WRAP53: variants seen among roughly 807,000 people sequenced by gnomAD.
The protein encoded by WRAP53 is telomerase Cajal body protein 1.
In WRAP53, 28 loss-of-function variants were observed where a neutral mutation model predicts 56.6. The ratio of observed to expected loss-of-function variants is 0.50; its 90% CI spans 0.37 to 0.68. WRAP53 has a LOEUF of 0.68. Among genes scored for constraint, WRAP53 ranks in the 30% least tolerant of loss-of-function variants. The probability of loss-of-function intolerance (pLI) is 0.00; values close to 1 mark genes in which losing one functional copy is unlikely to be tolerated. For synonymous variants in WRAP53, 283 were observed against 283.4 expected, an observed-to-expected ratio of 1.00 and a Z score of 0.01; for missense variants, 671 against 715.5, an observed-to-expected ratio of 0.94 and a Z score of 0.71.
In WRAP53 at chr17:7,703,143, C is replaced by A. The variant is rs1368662059; in HGVS notation, c.1403+16C>A. The stretch of plus-strand genomic sequence containing the variant: ...ATGGCGTGAGGTCCTCAGTTCAATT[C>A]CAGAGATGTTGGGGCTTGGGTTGGG... On this transcript the variant is annotated intron_variant, in intron 10 of 10. Transcript: ENST00000396463. 6.2e-7 allele frequency: 1 copy of A among 1,614,024 alleles called. No homozygotes were observed.
At chr17:7,686,556 G>A (rs1049884929), upstream of WRAP53, 2 of 152,258 alleles carry the variant, frequency 1.3e-5, no homozygotes, top group Non-Finnish European at 2.9e-5. Context: ...GAGAATAGCA[G>A]CCTCCCTCTG....
At chr17:7,689,119 TGAA>T (rs1331911862) in intron 2 of WRAP53, 40 bp downstream of exon 2, 3 of 1,614,036 alleles carry the variant, frequency 1.9e-6, no homozygotes, top group Admixed American at 3.3e-5. Context: ...TCTGGGGAGA[TGAA>T]GTGTGAGGTC....
At chr17:7,693,055 C>T (rs1299571466) in intron 4 of WRAP53, among the ~76,000 whole-genome samples, 2 of 152,022 alleles carry the variant, frequency 1.3e-5, no homozygotes, top group African/African-American at 4.8e-5. Flanking sequence ...TTGGGTCATT[C>T]TCTAAATTCG....
At position 7,699,496 on chromosome 17, in the gene WRAP53, A is replaced by ATATATATATATT. The variant is rs1567577485; in HGVS notation, c.643-1240_643-1239insATATATTTATAT. ...TATATTTATATATATATATATATAT[A>ATATATATATATT]TATATTTATATATATATATATATAT... On this transcript the variant is annotated intron_variant, in intron 4 of 10. Coordinates refer to ENST00000396463, the MANE Select transcript of WRAP53 (RefSeq NM_001143992.2). Among the ~76,000 whole-genome samples the ATATATATATATT allele has an allele frequency of 6.9e-3, 84 of 12,174 alleles. 1 individual carries two copies. Among genetic ancestry groups the ATATATATATATT allele is most frequent in the Non-Finnish European group, 0.01 (76 of 7,520 alleles). The allele number at this position is 12,174 out of a possible 152,430, so 8.0% of individuals were successfully genotyped here. A position where few individuals can be genotyped will look rare whatever the true frequency, so the allele number is the denominator to read the frequency against.
chr17:7,688,209 G>T, upstream of WRAP53: 1 of 195,144 alleles, frequency 5.1e-6, no homozygotes, highest in Non-Finnish European at 1.1e-5. Flanking sequence ...GGCGGTGCAG[G>T]TGCTTTAAGA....
chr17:7,699,464 A>T lies in WRAP53; in HGVS notation c.643-1277A>T, dbSNP rs1358290441. The stretch of plus-strand genomic sequence containing the variant: ...TTTATATATATATATATATTTATAT[A>T]TATATATATATTTATATATATATAT... On this transcript the variant is annotated intron_variant, in intron 4 of 10. Transcript: ENST00000396463. 2.6e-4 allele frequency among the ~76,000 whole-genome samples: 5 copies of T among 19,360 alleles called. No individual in the cohort carries two copies. The South Asian group carries it at 6.6e-3, about 25-fold the overall frequency. 12.7% of individuals were successfully genotyped at this position (19,360 alleles called of 152,430 possible).
At position 7,703,248 on chromosome 17, in the gene WRAP53, A is replaced by G; in HGVS notation, c.1409A>G (p.His470Arg). ...QKDCTNGVSL[H>R]PSLPLLATAS... ...CCTCCCCATCTCTCCCTCAGCCTGC[A>G]CCCTAGCCTGCCTCTCCTGGCCACT... Residue 470 changes from histidine to arginine, a missense_variant, in exon 11 of 11, where the codon CAC becomes CGC. By Grantham distance (29) the His-to-Arg change is conservative (BLOSUM62 0). Around this residue, in one of 3 missense-constraint regions of WRAP53, gnomAD observed 158 missense variants for 215.7 expected, o/e 0.73. Coordinates refer to ENST00000396463, the MANE Select transcript of WRAP53 (RefSeq NM_001143992.2). The G allele has an allele frequency of 1.9e-6, 3 of 1,612,840 alleles. No individual in the cohort carries two copies. Among genetic ancestry groups the G allele is most frequent in the Middle Eastern group, 1.6e-4 (1 of 6,062 alleles).
Position 7,688,957 on chromosome 17 carries a change from C to G in WRAP53, c.309C>G (p.Ser103Arg), listed in dbSNP as rs767462997. 4 of 1,614,156 alleles carry G rather than the reference C, an allele frequency of 2.5e-6. No individual in the cohort carries two copies. Among genetic ancestry groups the G allele is most frequent in the Middle Eastern group, 3.3e-4 (2 of 6,062 alleles). Residue 103 changes from serine (S) to arginine (R), a missense_variant, in exon 2 of 11, where the codon AGC becomes AGG. This residue lies in a region of WRAP53 where 406 missense variants were observed against 418.5 expected (regional missense o/e 0.97). Transcript: ENST00000396463. The part of the protein sequence containing the change: ...IEEQELSENT[S>R]LPAEEANGSL... ...AGCAAGAACTTTCTGAAAATACAAG[C>G]CTTCCTGCAGAAGAAGCAAACGGGA...
At chr17:7,693,668 T>C (rs952497994) in intron 4 of WRAP53, among the ~76,000 whole-genome samples, 12 of 151,784 alleles carry the variant, frequency 7.9e-5, no homozygotes, top group African/African-American at 2.7e-4. Flanking sequence ...TGCAGTGAGC[T>C]GATCGCACCA....
upstream of WRAP53, chr17:7,687,525 T>C (rs1186414124): frequency 5.0e-6 from 2 of 398,478 alleles, no homozygotes; most frequent in Non-Finnish European, 8.8e-6. Context: ...CTTGAGCACA[T>C]GGGAGGGGAA....
chr17:7,687,809 GC>G (rs2074034020), upstream of WRAP53: 3 of 394,202 alleles, frequency 7.6e-6, no homozygotes, highest in Admixed American at 1.3e-4. Flanking sequence ...AAGGAAGAAA[GC>G]TTTTGCGTTT....
Position 7,703,289 on chromosome 17 carries a change from G to T in WRAP53, c.1450G>T (p.Val484Leu). The T allele has an allele frequency of 6.2e-7, 1 of 1,613,916 alleles. No individual in the cohort carries two copies. Among genetic ancestry groups the T allele is most frequent in the Non-Finnish European group, 8.5e-7 (1 of 1,180,026 alleles). The stretch of plus-strand genomic sequence containing the variant: ...CCTGGCCACTGCCTCCGGTCAGCGT[G>T]TGTTTCCTGAGCCCACAGAGAGTGG... ...PLLATASGQRVFPEPTESGDE... is the reference protein window; with the variant it reads ...PLLATASGQRLFPEPTESGDE... Residue 484 changes from valine (V) to leucine (L), a missense_variant, in exon 11 of 11, where the codon GTG becomes TTG. By Grantham distance (32) the Val-to-Leu change is conservative (BLOSUM62 1). Transcript: ENST00000396463.
chr17:7,687,302 T>C (rs759135662), upstream of WRAP53: 57 of 398,524 alleles, frequency 1.4e-4, no homozygotes, highest in Non-Finnish European at 8.0e-5. Context: ...CCCAGCGATT[T>C]TCCCGAGCTG....
At chr17:7,699,774 C>T (rs1036064541) in intron 4 of WRAP53, among the ~76,000 whole-genome samples, 3 of 151,222 alleles carry the variant, frequency 2.0e-5, no homozygotes, top group Non-Finnish European at 4.4e-5. Context: ...GTTTCTGTTG[C>T]CCAGGCTGGA....
Position 7,689,059 on chromosome 17 carries a change from T to C in WRAP53, c.411T>C (p.Ala137=), listed in dbSNP as rs929724373. Residue 137 remains alanine, a synonymous_variant, in exon 2 of 11, where the codon GCT becomes GCC. Transcript: ENST00000396463. The stretch of plus-strand genomic sequence containing the variant: ...TGGAAGATACCTCTGGGGAACCCGC[T>C]GCAGAGGACGAGGGAGACACGTAAG... ...KAMEDTSGEP[A]AEDEGDTAWN... is the part of the protein sequence containing the mutation. The C allele has an allele frequency of 1.9e-6, 3 of 1,614,012 alleles. No individual in the cohort carries two copies. In the African/African-American group the frequency reaches 4.0e-5, roughly 22 times the overall value.
At chr17:7,699,654 A>G (rs921502013) in intron 4 of WRAP53, among the ~76,000 whole-genome samples, 1 of 148,316 alleles carries the variant, frequency 6.7e-6, no homozygotes, top group Non-Finnish European at 1.5e-5. Flanking sequence ...TGGAGGGGTC[A>G]CAGGGCTGTT....
chr17:7,697,743 A>G (rs1023742863), intron 4 of WRAP53, among the ~76,000 whole-genome samples: 3 of 152,226 alleles, frequency 2.0e-5, no homozygotes, highest in African/African-American at 7.2e-5. Flanking sequence ...TAGAGGAAAT[A>G]TCTAATCTCT....
rs376763835 is a variant in WRAP53 at position 7,700,685 on chromosome 17, C to T, written c.643-56C>T. 5.2e-5 allele frequency: 64 copies of T among 1,228,254 alleles called. No homozygotes were observed. The African/African-American group carries it at 6.4e-4, about 12-fold the overall frequency. 76.1% of individuals were successfully genotyped at this position (1,228,254 alleles called of 1,614,324 possible). A position where few individuals can be genotyped will look rare whatever the true frequency, so the allele number is the denominator to read the frequency against. ...CTGCCACAACACTGCTAGAGGCACGCGCCTCAGACTCCTTTTCCCTCCGAG... is the reference window on the plus strand; with the variant it reads ...CTGCCACAACACTGCTAGAGGCACGTGCCTCAGACTCCTTTTCCCTCCGAG... On this transcript the variant is annotated intron_variant, in intron 4 of 10. Transcript: ENST00000396463.
chr17:7,694,259 T>TTTTTTTTTTTTA (rs2074152558), intron 4 of WRAP53, among the ~76,000 whole-genome samples: 1 of 139,064 alleles, frequency 7.2e-6, no homozygotes, highest in Non-Finnish European at 1.5e-5. Context: ...TTTTTTTTTT[T>TTTTTTTTTTTTA]TTGAGACAGA....
Sources: gnomAD v4.1 joint callset for allele counts (sites outside exome capture counted in the v4.1 genomes callset) on GRCh38, gnomAD v4.1.1 for gene constraint, gnomAD v4.1.1 regional missense constraint, MANE v1.5 for transcripts, NCBI Gene and HGNC (gene_info 2026-07-23, HGNC 2026-07-21) for gene names.